The following DDHD1 variants were observed in gnomAD, a reference collection of about 807,000 sequenced individuals.
The protein encoded by DDHD1 is phospholipase DDHD1.
In DDHD1, 49 loss-of-function variants were observed where a neutral mutation model predicts 96.4. That is an observed-to-expected ratio of 0.51 (90% CI 0.40 to 0.64). DDHD1 has a LOEUF of 0.64. Ranked by LOEUF, DDHD1 falls within the 30% of genes least tolerant of loss-of-function variation. DDHD1 has a pLI of 0.00. For synonymous variants in DDHD1, 442 were observed against 446.5 expected (o/e 0.99, Z 0.13); for missense variants, 1,106 against 1,161.2 (o/e 0.95, Z 0.69).
At chr14:53,062,035 CAA>C (rs779302322) in intron 7 of DDHD1, among the ~76,000 whole-genome samples, 10 of 76,784 alleles carry the variant, frequency 1.3e-4, no homozygotes, top group Admixed American at 3.1e-4. Context: ...ACTCCGTCTC[CAA>C]AAAAAAAAAA....
intron 1 of DDHD1, among the ~76,000 whole-genome samples, chr14:53,105,536 T>G (rs554397312): frequency 6.6e-6 from 1 of 152,324 alleles, no homozygotes; most frequent in African/African-American, 2.4e-5. Flanking sequence ...CTTTAACCAT[T>G]ATAAATATAC....
chr14:53,059,875 A>AAC (rs1883399080), intron 8 of DDHD1, among the ~76,000 whole-genome samples: 1 of 150,138 alleles, frequency 6.7e-6, no homozygotes, highest in Non-Finnish European at 1.5e-5. Flanking sequence ...AAAAAAAAAA[A>AAC]AAAAAAAAAA....
intron 4 of DDHD1, among the ~76,000 whole-genome samples, chr14:53,087,961 T>C (rs571415168): frequency 6.6e-6 from 1 of 151,780 alleles, no homozygotes; most frequent in Non-Finnish European, 1.5e-5. Context: ...ATAGATGCAA[T>C]AAAAAACGAT....
At chr14:53,142,768 C>T (rs182249236) in intron 1 of DDHD1, among the ~76,000 whole-genome samples, 78 of 152,348 alleles carry the variant, frequency 5.1e-4, no homozygotes, top group African/African-American at 1.8e-3. Context: ...GAACTCAAGA[C>T]AGCACCAATC....
chr14:53,129,012 C>T (rs922409943), intron 1 of DDHD1, among the ~76,000 whole-genome samples: 9 of 152,184 alleles, frequency 5.9e-5, no homozygotes, highest in Non-Finnish European at 1.3e-4. Flanking sequence ...TGAGATCCAC[C>T]CCTGGCCCAC....
intron 11 of DDHD1, 45 bp from the exon 12 acceptor site, chr14:53,051,972 T>C: frequency 6.8e-7 from 1 of 1,473,210 alleles, no homozygotes. Context: ...TGGCTGATGA[T>C]TAAAAATGGC....
chr14:53,055,362 T>C (rs1430535242), intron 10 of DDHD1, among the ~76,000 whole-genome samples: 1 of 152,178 alleles, frequency 6.6e-6, no homozygotes. Context: ...AACTATATTA[T>C]TTACTCAAGA....
rs749233070 is a variant in DDHD1 at position 53,039,268 on chromosome 14, A to C, written c.*7500T>G. ...TTTTGCCATGGATGGCTCCATCCTCATATCACCCCATGTGCCACTGGATTG... is the reference window on the plus strand; with the variant it reads ...TTTTGCCATGGATGGCTCCATCCTCCTATCACCCCATGTGCCACTGGATTG... On this transcript the variant is annotated 3_prime_UTR_variant, in exon 13 of 13. Transcript: ENST00000673822. 7.2e-5 allele frequency: 11 copies of C among 152,282 alleles called. No individual in the cohort carries two copies. The highest frequency in any genetic ancestry group is 1.3e-4 in the Admixed American group (2 of 15,292). 9.4% of individuals were successfully genotyped at this position (152,282 alleles called of 1,614,324 possible).
chr14:53,093,479 C>T (rs1886610650), intron 2 of DDHD1, 35 bp from the exon 3 acceptor site: 2 of 1,592,640 alleles, frequency 1.3e-6, no homozygotes, highest in Non-Finnish European at 1.7e-6. Flanking sequence ...TTGAAGGTCT[C>T]CAAGACAAAC....
At chr14:53,114,786 C>A (rs1336093578) in intron 1 of DDHD1, among the ~76,000 whole-genome samples, 2 of 152,202 alleles carry the variant, frequency 1.3e-5, no homozygotes, top group African/African-American at 2.4e-5. Context: ...TGCAAAAACA[C>A]TGAAAATTCC....
At chr14:53,090,172 A>T (rs1376387092) in intron 4 of DDHD1, among the ~76,000 whole-genome samples, 5 of 152,194 alleles carry the variant, frequency 3.3e-5, no homozygotes, top group African/African-American at 1.2e-4. Context: ...AACCACAATG[A>T]GATACCATCT....
At chr14:53,064,916 A>G (rs1733188080) in intron 6 of DDHD1, among the ~76,000 whole-genome samples, 2 of 152,130 alleles carry the variant, frequency 1.3e-5, no homozygotes, top group Non-Finnish European at 2.9e-5. Flanking sequence ...AGTTTACTCT[A>G]ATTGGAATTT....
chr14:53,097,989 A>G (rs1887014628), intron 2 of DDHD1, among the ~76,000 whole-genome samples: 1 of 151,960 alleles, frequency 6.6e-6, no homozygotes, highest in Admixed American at 6.5e-5. Flanking sequence ...TGCTTTATTT[A>G]TTACACATCC....
At chr14:53,076,415 A>C (rs111321159) in intron 4 of DDHD1, among the ~76,000 whole-genome samples, 1 of 152,208 alleles carries the variant, frequency 6.6e-6, no homozygotes, top group East Asian at 1.9e-4. Context: ...CTGCAATTTC[A>C]TGAGAAAACT....
At chr14:53,134,733 T>C (rs1300550498) in intron 1 of DDHD1, among the ~76,000 whole-genome samples, 2 of 152,146 alleles carry the variant, frequency 1.3e-5, no homozygotes, top group Non-Finnish European at 2.9e-5. Flanking sequence ...CAAATAATTA[T>C]GCTGAACCCC....
chr14:53,109,105 G>C (rs1015611104), intron 1 of DDHD1, among the ~76,000 whole-genome samples: 3 of 152,088 alleles, frequency 2.0e-5, no homozygotes, highest in African/African-American at 7.2e-5. Context: ...TGTTGGGTGG[G>C]GGTTGGGTTG....
Position 53,066,024 on chromosome 14 carries a change from C to T in DDHD1, c.1504-2819G>A, listed in dbSNP as rs142468774. On this transcript the variant is annotated intron_variant, in intron 6 of 12. Coordinates refer to ENST00000673822, the MANE Select transcript of DDHD1 (RefSeq NM_001160148.2). ...TGTACCGGAAACTTTATACACATTT[C>T]ATTTTTAATCCTAATGACAAATTTT... Among the ~76,000 whole-genome samples, 391 of 152,298 alleles carry T rather than the reference C, an allele frequency of 2.6e-3. 1 individual carries two copies. Among genetic ancestry groups the T allele is most frequent in the Non-Finnish European group, 4.6e-3 (313 of 68,024 alleles).
intron 1 of DDHD1, 74 bp from the exon 2 acceptor site, chr14:53,103,930 T>G: frequency 2.2e-6 from 3 of 1,377,384 alleles, no homozygotes; most frequent in Non-Finnish European, 2.9e-6. Flanking sequence ...GTATCTACAA[T>G]CTTATATTTT....
chr14:53,100,694 ATTTAT>A (rs1887233031), intron 2 of DDHD1, among the ~76,000 whole-genome samples: 2 of 152,252 alleles, frequency 1.3e-5, no homozygotes, highest in Admixed American at 1.3e-4. Context: ...AGGAATTATT[ATTTAT>A]TTTAATGTCC....
Sources: gnomAD v4.1 joint callset for allele counts (sites outside exome capture counted in the v4.1 genomes callset) on GRCh38, gnomAD v4.1.1 for gene constraint, MANE v1.5 for transcripts, NCBI Gene and HGNC (gene_info 2026-07-23, HGNC 2026-07-21) for gene names.